Variants in ZNF138 observed in about 807,000 individuals in gnomAD.
The protein encoded by ZNF138 is zinc finger protein 138.
Under a neutral mutation model 33.0 loss-of-function variants are expected in ZNF138, and 33 were observed. That is an observed-to-expected ratio of 1.00 (90% CI 0.76 to 1.34). The LOEUF is 1.34. Ranked by LOEUF, ZNF138 falls within the 40% of genes most tolerant of loss-of-function variation. The pLI, the probability that ZNF138 is intolerant of heterozygous loss-of-function variation, is 0.00. For synonymous variants in ZNF138, 139 were observed against 120.4 expected, an observed-to-expected ratio of 1.15 and a Z score of -1.01; for missense variants, 360 against 370.8, an observed-to-expected ratio of 0.97 and a Z score of 0.24.
chr7:64,813,027 GA>G (rs1042226653), intron 1 of ZNF138, among the ~76,000 whole-genome samples: 3 of 151,560 alleles, frequency 2.0e-5, no homozygotes, highest in Admixed American at 6.6e-5. Context: ...AAGGGTCTCT[GA>G]AAAAAAATGT....
intron 3 of ZNF138, among the ~76,000 whole-genome samples, chr7:64,824,932 C>A (rs1288637756): frequency 6.6e-6 from 1 of 151,424 alleles, no homozygotes; most frequent in Non-Finnish European, 1.5e-5. Flanking sequence ...ACCTCTGTCT[C>A]CTGGGTTCAA....
In ZNF138 at chr7:64,794,525, G is replaced by A; in HGVS notation, c.-44G>A. On this transcript the variant is annotated 5_prime_UTR_variant, in exon 1 of 4. Coordinates refer to ENST00000307355, the MANE Select transcript of ZNF138 (RefSeq NM_001271639.2). ...CTGTGGCGCTGTGATCTGGTTATTG[G>A]GAGATTCACAGCTAAGACGCCAGGA... 1 of 1,612,460 alleles carries A rather than the reference G, an allele frequency of 6.2e-7. No individual in the cohort carries two copies. The highest frequency in any genetic ancestry group is 8.5e-7 in the Non-Finnish European group (1 of 1,178,960).
intron 1 of ZNF138, among the ~76,000 whole-genome samples, chr7:64,806,710 A>C (rs777637898): frequency 6.6e-6 from 1 of 152,220 alleles, no homozygotes; most frequent in Non-Finnish European, 1.5e-5. Context: ...ACTGCTTGCT[A>C]TTTCTACAAG....
At chr7:64,811,645 A>T (rs1788185298) in intron 1 of ZNF138, among the ~76,000 whole-genome samples, 2 of 152,242 alleles carry the variant, frequency 1.3e-5, no homozygotes. Flanking sequence ...ATTTATTCAG[A>T]CATAGCTGCC....
intron 1 of ZNF138, among the ~76,000 whole-genome samples, chr7:64,806,854 G>C (rs137955569): frequency 1.3e-4 from 20 of 151,882 alleles, no homozygotes; most frequent in Non-Finnish European, 2.2e-4. Flanking sequence ...AGCCCACTCT[G>C]TTGTTGGGAA....
chr7:64,803,266 T>C (rs868196893), intron 1 of ZNF138, among the ~76,000 whole-genome samples: 2 of 151,494 alleles, frequency 1.3e-5, no homozygotes, highest in Non-Finnish European at 2.9e-5. Flanking sequence ...AGGTTTTTTT[T>C]TTTTTTTTTT....
chr7:64,829,783 TG>T (rs1404185984), intron 3 of ZNF138, among the ~76,000 whole-genome samples: 2 of 151,986 alleles, frequency 1.3e-5, no homozygotes, highest in Non-Finnish European at 2.9e-5. Context: ...TCCATTTTTG[TG>T]TATGTGCATG....
chr7:64,831,631 G>A lies in ZNF138; in HGVS notation c.389G>A (p.Cys130Tyr). Residue 130 changes from cysteine to tyrosine, a missense_variant, in exon 4 of 4, where the codon TGT becomes TAT. Coordinates refer to ENST00000307355, the MANE Select transcript of ZNF138 (RefSeq NM_001271639.2). ...HQGGFNGLNQCLKITTSKIFQ... is the reference protein window; with the variant it reads ...HQGGFNGLNQYLKITTSKIFQ... Reference sequence around the variant, plus strand: ...GGAGGTTTTAATGGACTTAACCAATGTTTGAAAATTACCACAAGCAAAATA... The same window carrying A: ...GGAGGTTTTAATGGACTTAACCAATATTTGAAAATTACCACAAGCAAAATA... 2 of 1,609,154 alleles carry A rather than the reference G, an allele frequency of 1.2e-6. No individual in the cohort carries two copies. The highest frequency in any genetic ancestry group is 8.5e-7 in the Non-Finnish European group (1 of 1,178,246).
At chr7:64,797,546 TTCTAGGAAGCC>T (rs1203368765) in intron 1 of ZNF138, among the ~76,000 whole-genome samples, 1 of 151,914 alleles carries the variant, frequency 6.6e-6, no homozygotes, top group Non-Finnish European at 1.5e-5. Flanking sequence ...AGTTAGTTCT[TTCTAGGAAGCC>T]TCCCCTGCGG....
At chr7:64,825,738 C>T (rs189970548) in intron 3 of ZNF138, among the ~76,000 whole-genome samples, 29 of 152,028 alleles carry the variant, frequency 1.9e-4, no homozygotes, top group African/African-American at 6.5e-4. Flanking sequence ...CAGGGTTTCA[C>T]TATGTTGGCC....
chr7:64,837,828 C>A (rs1245100619), downstream of ZNF138, among the ~76,000 whole-genome samples: 5 of 152,188 alleles, frequency 3.3e-5, no homozygotes, highest in South Asian at 1.0e-3. Flanking sequence ...GTAGGGCAGG[C>A]TTTAACCTAA....
chr7:64,817,271 C>T (rs536742906), intron 3 of ZNF138, among the ~76,000 whole-genome samples: 1 of 152,344 alleles, frequency 6.6e-6, no homozygotes, highest in East Asian at 1.9e-4. Context: ...TTCCTTCCTG[C>T]AGGCCTCTGG....
chr7:64,823,355 A>G (rs938040610), intron 3 of ZNF138, among the ~76,000 whole-genome samples: 1 of 152,006 alleles, frequency 6.6e-6, no homozygotes, highest in East Asian at 2.0e-4. Context: ...TGCTGTTTTG[A>G]GATGGGATCT....
chr7:64,840,601 T>C, the ZNF138 span, among the ~76,000 whole-genome samples: 27 of 152,292 alleles, frequency 1.8e-4, no homozygotes, highest in African/African-American at 6.0e-4. Flanking sequence ...CACTTTTACT[T>C]ACTTTAAAAT....
At chr7:64,853,068 C>T in the ZNF138 span, 34 of 1,434,832 alleles carry the variant, frequency 2.4e-5, no homozygotes, top group South Asian at 2.2e-4. Flanking sequence ...CTGCCTGTCA[C>T]GTAAGAGTCG....
chr7:64,833,604 T>C lies in ZNF138; in HGVS notation c.*1402T>C, dbSNP rs1790268688. The C allele has an allele frequency of 1.3e-5, 2 of 153,044 alleles. No homozygotes were observed. Among genetic ancestry groups the C allele is most frequent in the African/African-American group, 4.8e-5 (2 of 41,488 alleles). 9.5% of individuals were successfully genotyped at this position (153,044 alleles called of 1,614,324 possible). Reference sequence around the variant, plus strand: ...AAAGAATGTAGAAAAGCCATTAATATGTGCTTACATCTTATTCAACATTAG... The same window carrying C: ...AAAGAATGTAGAAAAGCCATTAATACGTGCTTACATCTTATTCAACATTAG... On this transcript the variant is annotated 3_prime_UTR_variant, in exon 4 of 4. Transcript: ENST00000307355.
Position 64,815,092 on chromosome 7 carries a change from A to ATT in ZNF138, c.130+62_130+63dup, listed in dbSNP as rs202087633. 6.1e-3 allele frequency: 7,345 copies of ATT among 1,208,626 alleles called. 1 individual carries two copies. The highest frequency in any genetic ancestry group is 8.1e-3 in the Admixed American group (257 of 31,786). 74.9% of individuals were successfully genotyped at this position (1,208,626 alleles called of 1,614,324 possible). A position where few individuals can be genotyped will look rare whatever the true frequency, so the allele number is the denominator to read the frequency against. On this transcript the variant is annotated intron_variant, in intron 2 of 3. Transcript: ENST00000307355. Reference sequence around the variant, plus strand: ...TTTCCTAATATATCCTAAAGGTTTCATTTTTTTTTTTTTTTGGGTAGAATG... The same window carrying ATT: ...TTTCCTAATATATCCTAAAGGTTTCATTTTTTTTTTTTTTTTTGGGTAGAATG...
chr7:64,835,333 AG>A (rs1159671695), downstream of ZNF138: 1 of 152,144 alleles, frequency 6.6e-6, no homozygotes, highest in Non-Finnish European at 1.5e-5. Context: ...CCTAAATCAG[AG>A]GTTGGCAGTT....
the ZNF138 span, among the ~76,000 whole-genome samples, chr7:64,839,282 T>A: frequency 6.6e-6 from 1 of 152,164 alleles, no homozygotes; most frequent in African/African-American, 2.4e-5. Context: ...GTTGTAAAGT[T>A]GGGAGGTTGC....
Sources: gnomAD v4.1 joint callset for allele counts (sites outside exome capture counted in the v4.1 genomes callset) on GRCh38, gnomAD v4.1.1 for gene constraint, MANE v1.5 for transcripts, NCBI Gene and HGNC (gene_info 2026-07-23, HGNC 2026-07-21) for gene names.